Variants in SHB observed in about 807,000 individuals in gnomAD.
SHB encodes SH2 domain-containing adapter protein B.
SHB carries 20 observed loss-of-function variants against 52.3 expected under a neutral mutation model. The observed-to-expected ratio is 0.38, with a 90% confidence interval of 0.27 to 0.56. The LOEUF (loss-of-function observed/expected upper bound fraction) is 0.56. Ranked by LOEUF, SHB falls within the 20% of genes least tolerant of loss-of-function variation. The pLI, the probability that SHB is intolerant of heterozygous loss-of-function variation, is 0.71. For missense variants in SHB, 825 were observed against 723.3 expected (o/e 1.14, Z -1.61); for synonymous variants, 397 against 316.5 (o/e 1.25, Z -2.70).
At chr9:37,995,803 G>C (rs1241504897) in intron 2 of SHB, among the ~76,000 whole-genome samples, 3 of 152,176 alleles carry the variant, frequency 2.0e-5, no homozygotes, top group African/African-American at 7.2e-5. Flanking sequence ...CTATTCTGCA[G>C]AGAAGGTCAC....
chr9:38,025,862 T>A (rs1437574560), intron 1 of SHB, among the ~76,000 whole-genome samples: 1 of 152,182 alleles, frequency 6.6e-6, no homozygotes, highest in African/African-American at 2.4e-5. Flanking sequence ...AGGCTCCAAG[T>A]AACAAATGAC....
chr9:38,067,609 A>G (rs1306397924), intron 1 of SHB, among the ~76,000 whole-genome samples: 1 of 152,112 alleles, frequency 6.6e-6, no homozygotes, highest in Non-Finnish European at 1.5e-5. Context: ...TCGAAGTCCT[A>G]GACAGCTCTG....
chr9:38,016,731 C>G (rs545804310), intron 1 of SHB, among the ~76,000 whole-genome samples: 2 of 152,292 alleles, frequency 1.3e-5, no homozygotes, highest in Admixed American at 1.3e-4. Flanking sequence ...GCTCAAGGAT[C>G]GACAGACAGC....
At position 38,032,172 on chromosome 9, in the gene SHB, G is replaced by C. The variant is rs180904404; in HGVS notation, c.718-16041C>G. On this transcript the variant is annotated intron_variant, in intron 1 of 5. Transcript: ENST00000377707. ...ATGCTTACAGAGGGGGCACCGCCTAGAGAGCACCTTCTCTACAAGCCAGGC... is the reference window on the plus strand; with the variant it reads ...ATGCTTACAGAGGGGGCACCGCCTACAGAGCACCTTCTCTACAAGCCAGGC... 2.7e-3 allele frequency among the ~76,000 whole-genome samples: 404 copies of C among 152,314 alleles called. 2 individuals are homozygous for C. Among genetic ancestry groups the C allele is most frequent in the Non-Finnish European group, 3.2e-3 (217 of 68,024 alleles).
At chr9:37,972,484 G>C (rs559599347) in intron 3 of SHB, among the ~76,000 whole-genome samples, 3 of 152,216 alleles carry the variant, frequency 2.0e-5, no homozygotes, top group Admixed American at 2.0e-4. Context: ...TTGTCCTTGA[G>C]GACCTCACAG....
chr9:38,065,137 T>G (rs1479974725), intron 1 of SHB, among the ~76,000 whole-genome samples: 1 of 152,000 alleles, frequency 6.6e-6, no homozygotes, highest in Non-Finnish European at 1.5e-5. Context: ...GTGCCAGAAG[T>G]GGTTTTCCTG....
intron 3 of SHB, among the ~76,000 whole-genome samples, chr9:37,965,082 G>A (rs1185606964): frequency 2.0e-5 from 3 of 152,242 alleles, no homozygotes; most frequent in Non-Finnish European, 1.5e-5. Flanking sequence ...CCTGCAAGGA[G>A]CAGGCTGGGC....
intron 2 of SHB, 103 bp from the exon 3 acceptor site, chr9:37,974,940 G>T: frequency 5.1e-6 from 5 of 986,432 alleles, no homozygotes; most frequent in Non-Finnish European, 7.8e-6. Context: ...CAGCGGGGAG[G>T]TGAGAACGAC....
intron 1 of SHB, among the ~76,000 whole-genome samples, chr9:38,018,867 G>T (rs1438580024): frequency 6.6e-6 from 1 of 152,256 alleles, no homozygotes; most frequent in East Asian, 1.9e-4. Flanking sequence ...GAAGGTTTGT[G>T]TGAAGCGTGC....
At chr9:38,048,102 C>T (rs1452083638) in intron 1 of SHB, among the ~76,000 whole-genome samples, 5 of 152,214 alleles carry the variant, frequency 3.3e-5, no homozygotes, top group African/African-American at 9.6e-5. Flanking sequence ...TGCTCCCTTA[C>T]CTCACCTTCT....
At chr9:38,063,695 A>G (rs1821922625) in intron 1 of SHB, among the ~76,000 whole-genome samples, 1 of 152,126 alleles carries the variant, frequency 6.6e-6, no homozygotes. Flanking sequence ...CTGGTATTCA[A>G]CTGCAAACTG....
chr9:37,996,257 C>T (rs890609546), intron 2 of SHB, among the ~76,000 whole-genome samples: 16 of 152,218 alleles, frequency 1.1e-4, no homozygotes, highest in African/African-American at 3.6e-4. Context: ...AGCATCTGAA[C>T]CCCTCCCCTT....
At position 38,068,364 on chromosome 9, in the gene SHB, G is replaced by A. The variant is rs777750375; in HGVS notation, c.282C>T (p.Asp94=). 9.5e-6 allele frequency: 15 copies of A among 1,570,996 alleles called. No homozygotes were observed. The highest frequency in any genetic ancestry group is 2.2e-4 in the Middle Eastern group (1 of 4,482). Residue 94 remains aspartate (D), a synonymous_variant, in exon 1 of 6, where the codon GAC becomes GAT. Coordinates refer to ENST00000377707, the MANE Select transcript of SHB (RefSeq NM_003028.3). ...GCGACGAGCCAGGCCCGTTGTAGGG[G>A]TCCTCGAAGTCTCGCTCCTTCTGCG... ...YRAQKERDFE[D]PYNGPGSSLR...
chr9:37,953,658 C>T (rs949559566), intron 4 of SHB, among the ~76,000 whole-genome samples: 6 of 152,006 alleles, frequency 3.9e-5, no homozygotes, highest in African/African-American at 1.5e-4. Flanking sequence ...TGGGGCACAC[C>T]CCAGTGCCTC....
At chr9:37,940,559 A>C (rs1345417532) in intron 5 of SHB, among the ~76,000 whole-genome samples, 2 of 152,206 alleles carry the variant, frequency 1.3e-5, no homozygotes, top group African/African-American at 2.4e-5. Context: ...GAAATCCTCC[A>C]TGCGATAAGA....
Position 38,068,657 on chromosome 9 carries a change from G to T in SHB, c.-12C>A, listed in dbSNP as rs764101421. ...AGCCACTTGGCCATGGCGAGAGGCC[G>T]CCTAGGGCCGCGGCGCGGGAGCCCG... On this transcript the variant is annotated 5_prime_UTR_variant, in exon 1 of 6. Coordinates refer to ENST00000377707, the MANE Select transcript of SHB (RefSeq NM_003028.3). The T allele has an allele frequency of 4.5e-6, 6 of 1,347,440 alleles. No homozygotes were observed. Among genetic ancestry groups the T allele is most frequent in the Non-Finnish European group, 5.7e-6 (6 of 1,056,492 alleles). The allele number at this position is 1,347,440 out of a possible 1,614,324, so 83.5% of individuals were successfully genotyped here. A position where few individuals can be genotyped will look rare whatever the true frequency, so the allele number is the denominator to read the frequency against.
intron 1 of SHB, among the ~76,000 whole-genome samples, chr9:38,066,916 A>G (rs1821972756): frequency 6.6e-6 from 1 of 152,130 alleles, no homozygotes; most frequent in African/African-American, 2.4e-5. Context: ...GGGGAGAACA[A>G]CAGCCACGCA....
intron 3 of SHB, among the ~76,000 whole-genome samples, chr9:37,957,146 G>A (rs1489629936): frequency 2.0e-5 from 3 of 152,176 alleles, no homozygotes; most frequent in Non-Finnish European, 4.4e-5. Flanking sequence ...CCTAAGAAAC[G>A]AGGCCAGAGC....
intron 1 of SHB, among the ~76,000 whole-genome samples, chr9:38,037,174 T>C (rs1437061913): frequency 6.6e-6 from 1 of 152,206 alleles, no homozygotes; most frequent in Non-Finnish European, 1.5e-5. Flanking sequence ...GATCTCCTTA[T>C]GACACAACAG....
Sources: gnomAD v4.1 joint callset for allele counts (sites outside exome capture counted in the v4.1 genomes callset) on GRCh38, gnomAD v4.1.1 for gene constraint, MANE v1.5 for transcripts, NCBI Gene and HGNC (gene_info 2026-07-23, HGNC 2026-07-21) for gene names.